Variants in THRA observed in about 807,000 individuals in gnomAD.
The protein encoded by THRA is thyroid hormone receptor alpha, also known as EAR-7.
In THRA, 13 loss-of-function variants were observed where a neutral mutation model predicts 45.0. That is an observed-to-expected ratio of 0.29 (90% confidence interval 0.19 to 0.46). The LOEUF is 0.46. THRA is among the 20% of genes least tolerant of loss of function. The probability of loss-of-function intolerance (pLI) is 1.00; values close to 1 mark genes in which losing one functional copy is unlikely to be tolerated. For missense variants in THRA, 278 were observed against 556.1 expected (o/e 0.50, Z 5.03); for synonymous variants, 195 against 214.0 (o/e 0.91, Z 0.78).
rs369604247 is a variant in THRA, at chr17:40,077,445, G to A, written c.122-63G>A. ...AAAGTTGAGGGATGGGGAAAAGTGT[G>A]AGAGCCTCTCTGCTGGGACTCCAAG... On this transcript the variant is annotated intron_variant, in intron 3 of 8. Transcript: ENST00000450525. 6.4e-5 allele frequency: 94 copies of A among 1,460,082 alleles called. 1 individual carries two copies. The Middle Eastern group carries it at 2.3e-3, about 35-fold the overall frequency. 90.4% of individuals were successfully genotyped at this position (1,460,082 alleles called of 1,614,324 possible).
At position 40,086,847 on chromosome 17, in the gene THRA, C is replaced by T; in HGVS notation, c.717C>T (p.Phe239=). 1 of 1,614,070 alleles carries T rather than the reference C, an allele frequency of 6.2e-7. No individual in the cohort carries two copies. The highest frequency in any genetic ancestry group is 2.2e-5 in the East Asian group (1 of 44,892). ...VVDFAKKLPM[F]SELPCEDQII... is the part of the protein sequence containing the mutation. ...ACTTTGCCAAAAAACTGCCCATGTT[C>T]TCCGAGGTGAGTGGCAGAAGTGGGG... is the stretch of plus-strand genomic sequence containing the variant. The change falls in exon 7 of 9, where the codon TTC becomes TTT. Residue 239 remains phenylalanine (F), a synonymous_variant. Coordinates refer to ENST00000450525, the MANE Select transcript of THRA (RefSeq NM_199334.5).
In THRA at chr17:40,073,081, AC is replaced by A. The variant is rs1165229863; in HGVS notation, c.-297-1108del. On this transcript the variant is annotated intron_variant, in intron 1 of 8. Coordinates refer to ENST00000450525, the MANE Select transcript of THRA (RefSeq NM_199334.5). ...CTGACTTATCTCCCTCTCTCTTCCC[AC>A]CCTGGCTGCTTATCAGCTCCTGGGG... Among the ~76,000 whole-genome samples the A allele has an allele frequency of 2.0e-5, 3 of 151,804 alleles. No individual in the cohort carries two copies. The East Asian group carries it at 5.8e-4, about 29-fold the overall frequency.
chr17:40,090,098 G>A lies in THRA; in HGVS notation c.*642G>A. 1.1e-6 allele frequency: 1 copy of A among 943,488 alleles called. No individual in the cohort carries two copies. The highest frequency in any genetic ancestry group is 4.9e-5 in the South Asian group (1 of 20,516). The allele number at this position is 943,488 out of a possible 1,614,324, so 58.4% of individuals were successfully genotyped here. A position where few individuals can be genotyped will look rare whatever the true frequency, so the allele number is the denominator to read the frequency against. On this transcript the variant is annotated 3_prime_UTR_variant, in exon 9 of 9. Transcript: ENST00000450525. ...GAGATGATATTAAGTTATTAACTGA[G>A]GCTGACCAGAGGGGAGGACCCCCCC...
chr17:40,070,310 C>T lies in THRA; in HGVS notation c.-297-3882C>T, dbSNP rs529475218. On this transcript the variant is annotated intron_variant, in intron 1 of 8. Transcript: ENST00000450525. Reference sequence around the variant, plus strand: ...AGTACCTTCCTTCCCGCCTTCACTCCTCCTCTCCTTCCTGGCACTAGGATA... The same window carrying T: ...AGTACCTTCCTTCCCGCCTTCACTCTTCCTCTCCTTCCTGGCACTAGGATA... Among the ~76,000 whole-genome samples, 4 of 152,206 alleles carry T rather than the reference C, an allele frequency of 2.6e-5. No individual in the cohort carries two copies. The East Asian group carries it at 7.7e-4, about 29-fold the overall frequency.
chr17:40,085,097 T>C (rs1050413251), intron 6 of THRA, among the ~76,000 whole-genome samples: 1 of 152,156 alleles, frequency 6.6e-6, no homozygotes, highest in African/African-American at 2.4e-5. Flanking sequence ...CTGCCCTTAG[T>C]GACTGGGAGG....
intron 2 of THRA, 39 bp downstream of exon 2, chr17:40,074,580 C>T: frequency 6.2e-7 from 1 of 1,610,644 alleles, no homozygotes; most frequent in East Asian, 2.2e-5. Flanking sequence ...AACTCCTAAG[C>T]AGCAGGCATG....
chr17:40,080,717 C>CTTTT (rs755937821), intron 4 of THRA, among the ~76,000 whole-genome samples: 2 of 99,302 alleles, frequency 2.0e-5, no homozygotes, highest in African/African-American at 4.0e-5. Flanking sequence ...CCTTTGGTGA[C>CTTTT]TTTTTTTTTT....
At chr17:40,085,736 C>T (rs927646629) in intron 6 of THRA, among the ~76,000 whole-genome samples, 3 of 151,552 alleles carry the variant, frequency 2.0e-5, no homozygotes, top group Middle Eastern at 6.8e-3. Context: ...CTCTACCTCC[C>T]GGCTTCAAGC....
intron 1 of THRA, among the ~76,000 whole-genome samples, chr17:40,069,364 G>A (rs1005493113): frequency 4.0e-5 from 6 of 150,250 alleles, no homozygotes; most frequent in South Asian, 2.1e-4. Context: ...GGGGTGCCTG[G>A]GAGAACATCC....
intron 2 of THRA, among the ~76,000 whole-genome samples, chr17:40,075,322 G>A (rs1397272925): frequency 6.6e-6 from 1 of 152,102 alleles, no homozygotes; most frequent in African/African-American, 2.4e-5. Flanking sequence ...GGGGTGCTCC[G>A]GGGAGCAGTG....
downstream of THRA, chr17:40,093,621 A>G (rs1987674985): frequency 1.4e-6 from 1 of 696,894 alleles, no homozygotes. The surrounding 1 kb of genome is among the most constrained non-coding windows in gnomAD (Gnocchi z 5.9). Flanking sequence ...GCCTGGCAAC[A>G]TCTTACTTGT....
chr17:40,084,132 C>T, intron 5 of THRA, 150 bp downstream of exon 5: 2 of 996,050 alleles, frequency 2.0e-6, no homozygotes, highest in African/African-American at 1.6e-5. Flanking sequence ...TTGGTCCTTG[C>T]TGTCCTCCTT....
rs566313324 is a variant in THRA, at chr17:40,065,969, C to T, written c.-298+2877C>T. Among the ~76,000 whole-genome samples, 5 of 152,362 alleles carry T rather than the reference C, an allele frequency of 3.3e-5. No homozygotes were observed. The East Asian group carries it at 9.6e-4, about 29-fold the overall frequency. On this transcript the variant is annotated intron_variant, in intron 1 of 8. Transcript: ENST00000450525. ...GGCAGTGGCGGGAGCTGGCAGGACC[C>T]TGCTGAGTTGGGTCCACTGCAGGGC...
At chr17:40,077,339 A>G (rs1366250272) in intron 3 of THRA, among the ~76,000 whole-genome samples, 169 bp from the exon 4 acceptor site, 1 of 152,190 alleles carries the variant, frequency 6.6e-6, no homozygotes, top group Non-Finnish European at 1.5e-5. Context: ...TCATACTCTT[A>G]GGGCAGAGAT....
At chr17:40,069,215 TTC>T in intron 1 of THRA, among the ~76,000 whole-genome samples, 1 of 147,486 alleles carries the variant, frequency 6.8e-6, no homozygotes, top group African/African-American at 2.5e-5. Context: ...CTCTCAATCT[TTC>T]TCTCTTCCCT....
chr17:40,086,913 G>C (rs932988227), intron 7 of THRA, 60 bp downstream of exon 7: 4 of 1,604,206 alleles, frequency 2.5e-6, no homozygotes, highest in Non-Finnish European at 2.6e-6. Context: ...TGCTCCCCCG[G>C]TCACCCAGTA....
intron 4 of THRA, among the ~76,000 whole-genome samples, chr17:40,078,845 C>T (rs1174229186): frequency 6.6e-6 from 1 of 150,428 alleles, no homozygotes; most frequent in African/African-American, 2.4e-5. Flanking sequence ...GATTCTCCTG[C>T]TTCAGCCTCC....
In THRA at chr17:40,092,790, A is replaced by T; in HGVS notation, c.*3334A>T. ...CAAACGAGCACACACCACAGAAGCC[A>T]GCTCAGCTGTGAACTATTGGATTTG... On this transcript the variant is annotated 3_prime_UTR_variant, in exon 9 of 9. Coordinates refer to ENST00000450525, the MANE Select transcript of THRA (RefSeq NM_199334.5). 1 of 483,894 alleles carries T rather than the reference A, an allele frequency of 2.1e-6. No homozygotes were observed. Among genetic ancestry groups the T allele is most frequent in the Non-Finnish European group, 3.4e-6 (1 of 297,190 alleles). The allele number at this position is 483,894 out of a possible 1,614,324, so 30.0% of individuals were successfully genotyped here.
intron 1 of THRA, among the ~76,000 whole-genome samples, chr17:40,072,871 G>A (rs900413370): frequency 6.6e-6 from 1 of 152,092 alleles, no homozygotes; most frequent in African/African-American, 2.4e-5. Flanking sequence ...TGGCTCCCTG[G>A]GCTAAGGCTC....
Sources: allele counts gnomAD v4.1 joint callset (sites outside exome capture counted in the v4.1 genomes callset), GRCh38; gene constraint gnomAD v4.1.1; non-coding constraint Gnocchi (gnomAD v3.1); transcripts MANE v1.5; gene names NCBI Gene and HGNC (gene_info 2026-07-23, HGNC 2026-07-21).